SYT1: variants seen among roughly 807,000 people sequenced by gnomAD.
The protein encoded by SYT1 is synaptotagmin 1.
SYT1 carries 8 observed loss-of-function variants against 44.8 expected under a neutral mutation model. The observed-to-expected ratio is 0.18, with a 90% CI of 0.10 to 0.32. SYT1 has a LOEUF of 0.32. Ranked by LOEUF, SYT1 falls within the 10% of genes least tolerant of loss-of-function variation. The pLI, the probability that SYT1 is intolerant of heterozygous loss-of-function variation, is 1.00. For synonymous variants in SYT1, 154 were observed against 188.8 expected (o/e 0.82, Z 1.51); for missense variants, 286 against 509.3 (o/e 0.56, Z 4.22).
intron 10 of SYT1, among the ~76,000 whole-genome samples, chr12:79,448,460 G>A (rs749469892): frequency 2.9e-4 from 44 of 152,180 alleles, no homozygotes; most frequent in Non-Finnish European, 5.6e-4. Flanking sequence ...GGTTGCCTTG[G>A]GAATTGTAAT....
intron 8 of SYT1, among the ~76,000 whole-genome samples, chr12:79,301,082 G>C (rs1401549183): frequency 1.3e-5 from 2 of 151,480 alleles, no homozygotes; most frequent in Admixed American, 1.3e-4. Context: ...CTTTTTTGTT[G>C]AAGTGTTTGA....
chr12:79,447,825 A>G (rs1434259483), intron 10 of SYT1, among the ~76,000 whole-genome samples: 2 of 152,166 alleles, frequency 1.3e-5, no homozygotes, highest in African/African-American at 4.8e-5. Context: ...CTGTATATCA[A>G]TGACATTTCT....
intron 1 of SYT1, among the ~76,000 whole-genome samples, chr12:78,918,836 G>C (rs931950214): frequency 6.6e-6 from 1 of 151,994 alleles, no homozygotes; most frequent in African/African-American, 2.4e-5. Flanking sequence ...TATGATGATG[G>C]TAAAGAAAAA....
At chr12:79,016,681 A>T (rs975162973) in intron 2 of SYT1, among the ~76,000 whole-genome samples, 1 of 152,142 alleles carries the variant, frequency 6.6e-6, no homozygotes, top group African/African-American at 2.4e-5. Context: ...ATGGATTTTT[A>T]AAACTGGTGG....
At chr12:79,214,798 T>C (rs563521545) in intron 3 of SYT1, among the ~76,000 whole-genome samples, 2 of 152,230 alleles carry the variant, frequency 1.3e-5, no homozygotes, top group African/African-American at 4.8e-5. Flanking sequence ...TCATTTCCTT[T>C]AAATTCTACA....
intron 3 of SYT1, among the ~76,000 whole-genome samples, chr12:79,119,046 A>G (rs1158408661): frequency 6.6e-6 from 1 of 152,154 alleles, no homozygotes; most frequent in Non-Finnish European, 1.5e-5. Flanking sequence ...AAAGTAGGAA[A>G]GGGCTGGTCG....
intron 3 of SYT1, among the ~76,000 whole-genome samples, chr12:79,098,316 A>G (rs2138037290): frequency 6.6e-6 from 1 of 152,008 alleles, no homozygotes; most frequent in South Asian, 2.1e-4. Context: ...GTTACCTTGA[A>G]CCTCTTTATT....
At chr12:79,288,097 A>G (rs1396173241) in intron 5 of SYT1, among the ~76,000 whole-genome samples, 1 of 152,156 alleles carries the variant, frequency 6.6e-6, no homozygotes, top group African/African-American at 2.4e-5. Context: ...AAACGTTTAT[A>G]TAACCATAGC....
chr12:79,186,436 T>C (rs1872805762), intron 3 of SYT1, among the ~76,000 whole-genome samples: 1 of 152,180 alleles, frequency 6.6e-6, no homozygotes, highest in East Asian at 1.9e-4. Flanking sequence ...TTGTGTTCCT[T>C]TGCCCATAAC....
At chr12:79,139,646 C>A (rs566945895) in intron 3 of SYT1, among the ~76,000 whole-genome samples, 9 of 152,102 alleles carry the variant, frequency 5.9e-5, no homozygotes, top group Non-Finnish European at 1.2e-4. Flanking sequence ...TCTATAATAC[C>A]TATTCCCAAA....
chr12:78,962,144 A>G (rs1879537780), intron 1 of SYT1, among the ~76,000 whole-genome samples: 1 of 151,918 alleles, frequency 6.6e-6, no homozygotes, highest in African/African-American at 2.4e-5. Context: ...GCTGACATAG[A>G]GAGTCTACAC....
At chr12:78,984,956 A>T (rs73351428) in intron 2 of SYT1, among the ~76,000 whole-genome samples, 2,039 of 152,102 alleles carry the variant, frequency 0.013, 47 homozygotes, top group African/African-American at 0.044. Context: ...TTGTAAGAAA[A>T]TAAGTTCAAG....
At chr12:79,442,786 C>T (rs1328603191) in intron 9 of SYT1, among the ~76,000 whole-genome samples, 1 of 152,116 alleles carries the variant, frequency 6.6e-6, no homozygotes, top group African/African-American at 2.4e-5. Flanking sequence ...GGGCATTAGA[C>T]TAGATCATCT....
chr12:79,413,210 A>T (rs997498176), intron 9 of SYT1, among the ~76,000 whole-genome samples: 2 of 152,216 alleles, frequency 1.3e-5, no homozygotes, highest in Non-Finnish European at 2.9e-5. Flanking sequence ...TGAAGAAAGA[A>T]GCCACCATGA....
chr12:78,866,622 A>T (rs1873558279), intron 1 of SYT1, among the ~76,000 whole-genome samples: 1 of 152,198 alleles, frequency 6.6e-6, no homozygotes, highest in African/African-American at 2.4e-5. Context: ...GCTAAGCGAT[A>T]GTACTGTCAG....
chr12:79,103,889 G>A (rs552615026), intron 3 of SYT1, among the ~76,000 whole-genome samples: 3 of 152,070 alleles, frequency 2.0e-5, no homozygotes, highest in Admixed American at 6.6e-5. Flanking sequence ...CACCAGCAGT[G>A]CAACCTTACC....
At chr12:78,989,489 C>T (rs1869876259) in intron 2 of SYT1, among the ~76,000 whole-genome samples, 1 of 152,048 alleles carries the variant, frequency 6.6e-6, no homozygotes, top group African/African-American at 2.4e-5. Context: ...CCCCCCGTTC[C>T]CAGACTTTGT....
chr12:79,125,233 A>G (rs1436878502), intron 3 of SYT1, among the ~76,000 whole-genome samples: 2 of 152,176 alleles, frequency 1.3e-5, no homozygotes, highest in Non-Finnish European at 2.9e-5. Flanking sequence ...GTGCAAATGG[A>G]AAATAACGTA....
chr12:79,089,511 G>GA (rs1877624067), intron 3 of SYT1, among the ~76,000 whole-genome samples: 1 of 133,314 alleles, frequency 7.5e-6, no homozygotes. Context: ...AAAAAAAAAA[G>GA]AAAAGAAAAA....
Sources: allele counts gnomAD v4.1 joint callset (sites outside exome capture counted in the v4.1 genomes callset), GRCh38; gene constraint gnomAD v4.1.1; transcripts MANE v1.5; gene names NCBI Gene and HGNC (gene_info 2026-07-23, HGNC 2026-07-21).